Variants in HDAC9 observed in about 807,000 individuals in gnomAD.
HDAC9 encodes histone deacetylase 9.
Under a neutral mutation model 139.4 loss-of-function variants are expected in HDAC9, and 41 were observed. The ratio of observed to expected loss-of-function variants is 0.29; its 90% CI spans 0.23 to 0.38. HDAC9 has a LOEUF of 0.38. Among genes scored for constraint, HDAC9 ranks in the 10% least tolerant of loss-of-function variants. The pLI, the probability that HDAC9 is intolerant of heterozygous loss-of-function variation, is 1.00. For missense variants in HDAC9, 1,147 were observed against 1,297.0 expected, an observed-to-expected ratio of 0.88 and a Z score of 1.78; for synonymous variants, 517 against 476.2, an observed-to-expected ratio of 1.09 and a Z score of -1.12.
At chr7:18,115,151 G>A (rs2128087141) in intron 1 of HDAC9, among the ~76,000 whole-genome samples, 1 of 152,166 alleles carries the variant, frequency 6.6e-6, no homozygotes, top group South Asian at 2.1e-4. Flanking sequence ...AAATTAGCTG[G>A]GCTTGGTGGC....
intron 1 of HDAC9, among the ~76,000 whole-genome samples, chr7:18,442,123 A>G (rs766934303): frequency 5.9e-5 from 9 of 152,168 alleles, no homozygotes; most frequent in Non-Finnish European, 1.0e-4. Flanking sequence ...ATTAGTTTTC[A>G]CAGATTTTCA....
intron 8 of HDAC9, among the ~76,000 whole-genome samples, chr7:18,643,871 A>G (rs1786512208): frequency 6.6e-6 from 1 of 152,038 alleles, no homozygotes; most frequent in Non-Finnish European, 1.5e-5. Flanking sequence ...TCCTTAGTCT[A>G]ATAAGACCTT....
At chr7:18,817,135 C>T (rs756641803) in intron 17 of HDAC9, among the ~76,000 whole-genome samples, 10 of 151,624 alleles carry the variant, frequency 6.6e-5, no homozygotes, top group Non-Finnish European at 1.5e-4. Flanking sequence ...CCGGGGTTCA[C>T]GCCATTCTTC....
chr7:18,153,005 C>A (rs185300501), intron 1 of HDAC9, among the ~76,000 whole-genome samples: 1 of 151,890 alleles, frequency 6.6e-6, no homozygotes, highest in South Asian at 2.1e-4. Context: ...CAGAGAGGGA[C>A]GGAATTGAAG....
intron 1 of HDAC9, 73 bp from the exon 2 acceptor site, chr7:18,496,189 T>C: frequency 6.5e-7 from 1 of 1,535,782 alleles, no homozygotes; most frequent in East Asian, 2.3e-5. Flanking sequence ...GATGAATGTT[T>C]CATGTAGCTG....
intron 22 of HDAC9, among the ~76,000 whole-genome samples, chr7:18,905,136 C>G (rs1300295335): frequency 6.6e-6 from 1 of 152,064 alleles, no homozygotes. Context: ...AGTGATCCAC[C>G]CGCCTTGGCC....
chr7:18,822,684 G>A (rs905545933), intron 17 of HDAC9, among the ~76,000 whole-genome samples: 69 of 152,270 alleles, frequency 4.5e-4, no homozygotes, highest in African/African-American at 1.7e-3. Context: ...TAGGTGAACA[G>A]AGACCAGATC....
At chr7:18,144,689 C>A (rs1786166551) in intron 1 of HDAC9, among the ~76,000 whole-genome samples, 1 of 152,118 alleles carries the variant, frequency 6.6e-6, no homozygotes, top group African/African-American at 2.4e-5. Context: ...TCGTGATCTG[C>A]CCTGATAAGT....
intron 2 of HDAC9, among the ~76,000 whole-genome samples, chr7:18,237,126 T>C (rs1793873949): frequency 6.6e-6 from 1 of 152,190 alleles, no homozygotes; most frequent in Admixed American, 6.5e-5. Context: ...TTTGGCAGGC[T>C]GGCAACCCCA....
At chr7:18,116,844 C>T (rs940841596) in intron 1 of HDAC9, among the ~76,000 whole-genome samples, 1 of 152,142 alleles carries the variant, frequency 6.6e-6, no homozygotes, top group African/African-American at 2.4e-5. Flanking sequence ...ATATTTCAGG[C>T]ATTGACTCAG....
At chr7:18,874,290 G>C (rs1295655583) in intron 21 of HDAC9, among the ~76,000 whole-genome samples, 188 bp from the exon 22 acceptor site, 1 of 151,640 alleles carries the variant, frequency 6.6e-6, no homozygotes, top group African/African-American at 2.4e-5. Flanking sequence ...GACTGAATTG[G>C]GATGCTAAAA....
intron 1 of HDAC9, among the ~76,000 whole-genome samples, chr7:18,312,654 A>G (rs1799393837): frequency 6.6e-6 from 1 of 151,910 alleles, no homozygotes; most frequent in South Asian, 2.1e-4. Flanking sequence ...AAGCTTCACA[A>G]CTCTCTGGGT....
At chr7:18,891,347 C>T (rs1015780818) in intron 22 of HDAC9, among the ~76,000 whole-genome samples, 1 of 152,160 alleles carries the variant, frequency 6.6e-6, no homozygotes. Flanking sequence ...ACAGGAGTGT[C>T]AGGCTACTTG....
chr7:18,693,535 C>A (rs10230426), intron 12 of HDAC9, among the ~76,000 whole-genome samples: 32,099 of 151,934 alleles, frequency 0.21, 5,381 homozygotes, highest in African/African-American at 0.47. Flanking sequence ...AGGAGAGAGA[C>A]GAGGAGAGAA....
intron 2 of HDAC9, among the ~76,000 whole-genome samples, chr7:18,243,048 A>ACTGT (rs1554341700): frequency 2.0e-5 from 3 of 151,612 alleles, no homozygotes; most frequent in African/African-American, 7.3e-5. Flanking sequence ...ATATTAACTG[A>ACTGT]TTGAGAATGT....
At chr7:18,183,289 G>C (rs529628646) in intron 2 of HDAC9, among the ~76,000 whole-genome samples, 2 of 152,122 alleles carry the variant, frequency 1.3e-5, no homozygotes, top group African/African-American at 2.4e-5. Context: ...GATTACAGGC[G>C]TGAGCCACGG....
intron 2 of HDAC9, among the ~76,000 whole-genome samples, chr7:18,558,442 A>T (rs1819557126): frequency 6.6e-6 from 1 of 152,148 alleles, no homozygotes; most frequent in South Asian, 2.1e-4. Flanking sequence ...TCAAGACTAC[A>T]TTTCAGGGTT....
At position 18,874,464 on chromosome 7, in the gene HDAC9, T is replaced by G; in HGVS notation, c.2685-14T>G. 6.4e-7 allele frequency: 1 copy of G among 1,553,364 alleles called. No individual in the cohort carries two copies. Among genetic ancestry groups the G allele is most frequent in the Non-Finnish European group, 8.8e-7 (1 of 1,140,988 alleles). On this transcript the variant is annotated splice_polypyrimidine_tract_variant and intron_variant, in intron 21 of 25. Coordinates refer to ENST00000686413, the MANE Select transcript of HDAC9 (RefSeq NM_178425.4). ...CCAGTCCCACGTGTGACCGGTTGCA[T>G]TTTTACTGTGCAGGACCATCGTGAA...
At chr7:18,785,864 C>T (rs1791669180) in intron 16 of HDAC9, among the ~76,000 whole-genome samples, 1 of 152,070 alleles carries the variant, frequency 6.6e-6, no homozygotes. Flanking sequence ...TTAATAATAG[C>T]ATCTACATTA....
Sources: gnomAD v4.1 joint callset for allele counts (sites outside exome capture counted in the v4.1 genomes callset) on GRCh38, gnomAD v4.1.1 for gene constraint, MANE v1.5 for transcripts, NCBI Gene and HGNC (gene_info 2026-07-23, HGNC 2026-07-21) for gene names.